Variants in MAPT observed in about 807,000 individuals in gnomAD.
The protein encoded by MAPT is microtubule-associated protein tau.
Under a neutral mutation model 67.9 loss-of-function variants are expected in MAPT, and 34 were observed. The observed-to-expected ratio is 0.50, with a 90% CI of 0.38 to 0.67. The LOEUF (loss-of-function observed/expected upper bound fraction) is 0.67, where lower values mean the gene tolerates loss of function less well. Ranked by LOEUF, MAPT falls within the 30% of genes least tolerant of loss-of-function variation. The pLI, the probability that MAPT is intolerant of heterozygous loss-of-function variation, is 0.00. For synonymous variants in MAPT, 456 were observed against 464.5 expected, an observed-to-expected ratio of 0.98 and a Z score of 0.23; for missense variants, 881 against 1,115.2, an observed-to-expected ratio of 0.79 and a Z score of 2.99.
At chr17:45,944,773 C>T (rs1434933451) in intron 1 of MAPT, among the ~76,000 whole-genome samples, 1 of 152,178 alleles carries the variant, frequency 6.6e-6, no homozygotes, top group African/African-American at 2.4e-5. Context: ...CCCAAGGGTG[C>T]CTCTGAGAGG....
chr17:45,917,537 C>A (rs559964318), intron 1 of MAPT, among the ~76,000 whole-genome samples: 1 of 152,302 alleles, frequency 6.6e-6, no homozygotes, highest in African/African-American at 2.4e-5. Context: ...CTGGAGGGGG[C>A]ATGGGCATTC....
chr17:45,947,716 G>C (rs1344418712), intron 1 of MAPT, among the ~76,000 whole-genome samples: 1 of 151,898 alleles, frequency 6.6e-6, no homozygotes, highest in Non-Finnish European at 1.5e-5. Flanking sequence ...TAGTATGTTT[G>C]ACTTGATGAC....
rs555005196 is a variant in MAPT at position 45,996,122 on chromosome 17, G to A, written c.1733-277G>A. 6.6e-6 allele frequency among the ~76,000 whole-genome samples: 1 copy of A among 152,170 alleles called. No homozygotes were observed. The highest frequency in any genetic ancestry group is 1.9e-4 in the East Asian group (1 of 5,200). On this transcript the variant is annotated intron_variant, in intron 8 of 12. Coordinates refer to ENST00000262410, the MANE Select transcript of MAPT (RefSeq NM_001377265.1). This position sits in a 1 kb window ranked among gnomAD's most constrained non-coding sequence, Gnocchi z 4.5. ...CTCTTGACCCAAAGACTGTGGAGCC[G>A]AGTTGGCCACCTCTCTGGGAGCGGG...
intron 8 of MAPT, 99 bp downstream of exon 8, chr17:45,991,685 C>G: frequency 6.5e-7 from 1 of 1,544,152 alleles, no homozygotes; most frequent in Non-Finnish European, 8.9e-7. Flanking sequence ...TGAATAACCC[C>G]TGGCAGCTGG....
At chr17:46,001,667 A>T (rs1021905660) in intron 9 of MAPT, among the ~76,000 whole-genome samples, 2 of 149,794 alleles carry the variant, frequency 1.3e-5, no homozygotes, top group East Asian at 1.9e-4. Context: ...AGACTCTATT[A>T]AAAAAAAAAT....
At chr17:45,924,330 T>C (rs549227620) in intron 1 of MAPT, among the ~76,000 whole-genome samples, 10 of 152,354 alleles carry the variant, frequency 6.6e-5, no homozygotes, top group African/African-American at 2.4e-4. Context: ...CACCTGTCAC[T>C]CTGGAGGCTC....
At chr17:46,004,847 G>A (rs550260091) in intron 9 of MAPT, among the ~76,000 whole-genome samples, 1 of 152,164 alleles carries the variant, frequency 6.6e-6, no homozygotes, top group South Asian at 2.1e-4. Flanking sequence ...GCAGTGGTGC[G>A]ATCTCCGCCC....
intron 1 of MAPT, among the ~76,000 whole-genome samples, chr17:45,925,011 C>T (rs892686222): frequency 2.0e-5 from 3 of 152,116 alleles, no homozygotes; most frequent in Non-Finnish European, 4.4e-5. Context: ...TAAGAAAACT[C>T]GCCGAATTAA....
chr17:45,951,475 G>A (rs987232170), intron 1 of MAPT, among the ~76,000 whole-genome samples: 6 of 151,902 alleles, frequency 3.9e-5, no homozygotes, highest in African/African-American at 1.5e-4. Flanking sequence ...TCACCCCCTC[G>A]CCCTCCGACG....
intron 1 of MAPT, among the ~76,000 whole-genome samples, chr17:45,945,133 C>G (rs1483248289): frequency 1.3e-5 from 2 of 152,180 alleles, no homozygotes; most frequent in Non-Finnish European, 2.9e-5. Context: ...GTGGAGGTCT[C>G]CAAACCCACC....
At position 45,974,425 on chromosome 17, in the gene MAPT, G is replaced by A. The variant is rs368318765; in HGVS notation, c.220+2480G>A. ...TAGTGGATGAGGGAGCTCCCGGCAA[G>A]CAGGCTGCCGCGCAGCCCCACACGG... On this transcript the variant is annotated intron_variant, in intron 3 of 12. Transcript: ENST00000262410. 2.1e-4 allele frequency: 334 copies of A among 1,610,520 alleles called. No homozygotes were observed. Among genetic ancestry groups the A allele is most frequent in the Non-Finnish European group, 2.7e-4 (324 of 1,179,210 alleles).
At chr17:45,941,681 T>TTCCTTCCTG (rs1568207436) in intron 1 of MAPT, among the ~76,000 whole-genome samples, 1 of 42,102 alleles carries the variant, frequency 2.4e-5, no homozygotes, top group African/African-American at 1.7e-4. Flanking sequence ...CCCCCTTCCC[T>TTCCTTCCTG]CCTTCCTTCC....
In MAPT at chr17:45,950,450, G is replaced by A. The variant is rs551220688; in HGVS notation, c.-17-11871G>A. Among the ~76,000 whole-genome samples, 4 of 149,738 alleles carry A rather than the reference G, an allele frequency of 2.7e-5. No individual in the cohort carries two copies. In the South Asian group the frequency reaches 8.4e-4, roughly 31 times the overall value. ...CTCACCTGCACATCCCTGTCCCTGA[G>A]GGCCTAGGGGTTCTTGGAGGCCCCA... On this transcript the variant is annotated intron_variant, in intron 1 of 12. Coordinates refer to ENST00000262410, the MANE Select transcript of MAPT (RefSeq NM_001377265.1).
At chr17:45,918,954 C>T (rs1178432292) in intron 1 of MAPT, among the ~76,000 whole-genome samples, 1 of 151,736 alleles carries the variant, frequency 6.6e-6, no homozygotes, top group Non-Finnish European at 1.5e-5. Flanking sequence ...CCCAGCTACT[C>T]AGGAGGCTGA....
intron 1 of MAPT, among the ~76,000 whole-genome samples, chr17:45,918,779 T>C (rs1452709196): frequency 6.6e-6 from 1 of 152,182 alleles, no homozygotes; most frequent in Admixed American, 6.5e-5. Context: ...TCACATTGGC[T>C]GGGTGCGGTG....
intron 1 of MAPT, among the ~76,000 whole-genome samples, chr17:45,929,092 T>C (rs1003097528): frequency 2.2e-4 from 33 of 152,072 alleles, no homozygotes; most frequent in Non-Finnish European, 4.4e-5. Context: ...TAAAACTTTT[T>C]TTTAATGAAT....
At chr17:46,017,497 A>G (rs1408861599) in intron 11 of MAPT, among the ~76,000 whole-genome samples, 1 of 115,864 alleles carries the variant, frequency 8.6e-6, no homozygotes, top group African/African-American at 3.5e-5. Flanking sequence ...CTCATTGCCC[A>G]GGCTGGAATG....
Position 45,978,369 on chromosome 17 carries a change from C to T in MAPT, c.221-6C>T. 2 of 1,612,872 alleles carry T rather than the reference C, an allele frequency of 1.2e-6. No individual in the cohort carries two copies. Among genetic ancestry groups the T allele is most frequent in the East Asian group, 2.2e-5 (1 of 44,882 alleles). ...ACCCCCCTTCATTTGCTGACACATA[C>T]ACCAGCTGAAGAAGCAGGCATTGGA... On this transcript the variant is annotated splice_polypyrimidine_tract_variant and splice_region_variant and intron_variant, in intron 3 of 12. Transcript: ENST00000262410.
intron 5 of MAPT, among the ~76,000 whole-genome samples, chr17:45,986,284 C>G (rs2073529354): frequency 6.6e-6 from 1 of 152,184 alleles, no homozygotes; most frequent in Admixed American, 6.5e-5. Context: ...GCCAAAGCCA[C>G]CATTAGTGAG....
Sources: allele counts gnomAD v4.1 joint callset (sites outside exome capture counted in the v4.1 genomes callset), GRCh38; gene constraint gnomAD v4.1.1; non-coding constraint Gnocchi (gnomAD v3.1); transcripts MANE v1.5; gene names NCBI Gene and HGNC (gene_info 2026-07-23, HGNC 2026-07-21).